The following RALYL variants were observed in gnomAD, a reference collection of about 807,000 sequenced individuals.
RALYL encodes RNA-binding Raly-like protein.
Under a neutral mutation model 35.1 loss-of-function variants are expected in RALYL, and 29 were observed. The ratio of observed to expected loss-of-function variants is 0.83; its 90% CI spans 0.61 to 1.13. The LOEUF (loss-of-function observed/expected upper bound fraction) is 1.13, where lower values mean the gene tolerates loss of function less well. Among genes scored for constraint, RALYL ranks in the 50% most tolerant of loss-of-function variants. RALYL has a pLI of 0.00. For synonymous variants in RALYL, 120 were observed against 127.6 expected (o/e 0.94, Z 0.40); for missense variants, 359 against 360.4 (o/e 1.00, Z 0.03).
chr8:84,242,420 G>GTGTC (rs1388983076), intron 1 of RALYL, among the ~76,000 whole-genome samples: 1 of 152,138 alleles, frequency 6.6e-6, no homozygotes, highest in Non-Finnish European at 1.5e-5. Flanking sequence ...AATTGCTACA[G>GTGTC]TGTCTTCCAC....
chr8:84,574,117 C>G (rs933069812), intron 2 of RALYL, among the ~76,000 whole-genome samples: 2 of 152,016 alleles, frequency 1.3e-5, no homozygotes, highest in Non-Finnish European at 2.9e-5. Context: ...ATCTGACAAG[C>G]AACTAAAGTT....
At chr8:84,575,515 A>G (rs1179938788) in intron 2 of RALYL, among the ~76,000 whole-genome samples, 1 of 152,186 alleles carries the variant, frequency 6.6e-6, no homozygotes, top group Non-Finnish European at 1.5e-5. Flanking sequence ...GTTCTTCCTC[A>G]CAAGATTGAG....
chr8:84,839,606 C>A (rs530445390), intron 4 of RALYL, among the ~76,000 whole-genome samples: 1 of 152,236 alleles, frequency 6.6e-6, no homozygotes, highest in Non-Finnish European at 1.5e-5. Flanking sequence ...TGTCTGACAG[C>A]TTTGAAGAGA....
intron 1 of RALYL, among the ~76,000 whole-genome samples, chr8:84,195,308 CAT>C (rs1402094396): frequency 6.6e-6 from 1 of 152,100 alleles, no homozygotes; most frequent in Non-Finnish European, 1.5e-5. Context: ...GGTGTGGTGG[CAT>C]GCGCCTGTAG....
At chr8:84,271,319 C>G (rs1834270256) in intron 1 of RALYL, among the ~76,000 whole-genome samples, 1 of 151,864 alleles carries the variant, frequency 6.6e-6, no homozygotes, top group Non-Finnish European at 1.5e-5. Context: ...TTAGGAAATA[C>G]ACATATTAAA....
intron 2 of RALYL, among the ~76,000 whole-genome samples, chr8:84,650,418 A>G (rs1357467258): frequency 6.6e-6 from 1 of 152,210 alleles, no homozygotes; most frequent in African/African-American, 2.4e-5. Flanking sequence ...GAAAGACGTG[A>G]AAAGACACTT....
chr8:84,534,334 A>G (rs909913992), intron 2 of RALYL, among the ~76,000 whole-genome samples: 1 of 152,214 alleles, frequency 6.6e-6, no homozygotes, highest in Non-Finnish European at 1.5e-5. Context: ...CAGATCTCAA[A>G]TGAAATTTCA....
intron 2 of RALYL, among the ~76,000 whole-genome samples, chr8:84,668,345 G>A (rs1258421911): frequency 6.6e-6 from 1 of 152,178 alleles, no homozygotes; most frequent in Non-Finnish European, 1.5e-5. Context: ...CAGTCATGCA[G>A]TGAGTTTTCA....
intron 7 of RALYL, among the ~76,000 whole-genome samples, chr8:84,880,121 C>G (rs1317997149): frequency 6.6e-6 from 1 of 152,038 alleles, no homozygotes; most frequent in Non-Finnish European, 1.5e-5. Flanking sequence ...CTGCTACTCT[C>G]CCAAGGAGAC....
chr8:84,609,385 A>G (rs1242875929), intron 2 of RALYL, among the ~76,000 whole-genome samples: 5 of 152,124 alleles, frequency 3.3e-5, no homozygotes, highest in African/African-American at 1.2e-4. Flanking sequence ...ATATACGTGA[A>G]AGTATTGGTA....
At chr8:84,266,841 T>G (rs1833405886) in intron 1 of RALYL, among the ~76,000 whole-genome samples, 1 of 151,124 alleles carries the variant, frequency 6.6e-6, no homozygotes, top group African/African-American at 2.4e-5. Context: ...GCGCCTGTAG[T>G]CCCAGCTACT....
At chr8:84,653,847 CT>C (rs942595661) in intron 2 of RALYL, among the ~76,000 whole-genome samples, 19 of 151,362 alleles carry the variant, frequency 1.3e-4, no homozygotes, top group African/African-American at 4.1e-4. Context: ...AATATTTTAA[CT>C]TTTTTATCTT....
At chr8:84,559,991 T>C (rs1271332184) in intron 2 of RALYL, among the ~76,000 whole-genome samples, 1 of 151,382 alleles carries the variant, frequency 6.6e-6, no homozygotes, top group Non-Finnish European at 1.5e-5. Context: ...TTTTTTTTAA[T>C]TGCCTCAAAT....
chr8:84,655,617 C>T (rs141289069), intron 2 of RALYL, among the ~76,000 whole-genome samples: 17 of 152,234 alleles, frequency 1.1e-4, no homozygotes, highest in African/African-American at 3.1e-4. Context: ...ACATGCACCA[C>T]GGCCAAGGAT....
intron 1 of RALYL, among the ~76,000 whole-genome samples, chr8:84,251,751 G>A (rs1465221496): frequency 1.3e-5 from 2 of 151,902 alleles, no homozygotes; most frequent in Non-Finnish European, 2.9e-5. Context: ...CAGCTGATAG[G>A]CTGTTATATT....
chr8:84,641,400 T>A (rs1317731663), intron 2 of RALYL, among the ~76,000 whole-genome samples: 1 of 151,740 alleles, frequency 6.6e-6, no homozygotes, highest in African/African-American at 2.4e-5. Context: ...TTTTATAGAT[T>A]AAGCCATTCC....
At chr8:84,776,229 A>AT (rs2133618416) in intron 3 of RALYL, among the ~76,000 whole-genome samples, 1 of 152,196 alleles carries the variant, frequency 6.6e-6, no homozygotes, top group South Asian at 2.1e-4. Context: ...TTATAGCCTC[A>AT]TTTTTTGAAC....
intron 2 of RALYL, among the ~76,000 whole-genome samples, chr8:84,539,975 G>A (rs1243839556): frequency 6.7e-6 from 1 of 149,052 alleles, no homozygotes; most frequent in Admixed American, 6.7e-5. Flanking sequence ...AACGTATGCT[G>A]CAAATATGAT....
intron 2 of RALYL, among the ~76,000 whole-genome samples, chr8:84,766,461 A>C (rs889635834): frequency 6.6e-6 from 1 of 151,448 alleles, no homozygotes; most frequent in Admixed American, 6.6e-5. Context: ...TGGGAGGCCA[A>C]GGTGGGTGGA....
Sources: gnomAD v4.1 joint callset for allele counts (sites outside exome capture counted in the v4.1 genomes callset) on GRCh38, gnomAD v4.1.1 for gene constraint, MANE v1.5 for transcripts, NCBI Gene and HGNC (gene_info 2026-07-23, HGNC 2026-07-21) for gene names.